SLC12A9: variants seen among roughly 807,000 people sequenced by gnomAD.
SLC12A9 encodes the protein solute carrier family 12 member 9.
Under a neutral mutation model 66.0 loss-of-function variants are expected in SLC12A9, and 55 were observed. The ratio of observed to expected loss-of-function variants is 0.83; its 90% CI spans 0.67 to 1.04. The LOEUF is 1.04. Among genes scored for constraint, SLC12A9 ranks in the 50% least tolerant of loss-of-function variants. The pLI, the probability that SLC12A9 is intolerant of heterozygous loss-of-function variation, is 0.00. For missense variants in SLC12A9, 1,061 were observed against 1,241.9 expected (o/e 0.85, Z 2.19); for synonymous variants, 577 against 569.0 (o/e 1.01, Z -0.20).
At chr7:100,854,122 G>A in intron 1 of SLC12A9, 34 bp from the exon 2 acceptor site, 1 of 1,382,692 alleles carries the variant, frequency 7.2e-7, no homozygotes, top group Non-Finnish European at 9.7e-7. Context: ...AGCTCTGTGG[G>A]GGAGCTTTTG....
upstream of SLC12A9, among the ~76,000 whole-genome samples, chr7:100,847,860 C>A (rs1195852107): frequency 2.0e-5 from 3 of 151,634 alleles, no homozygotes; most frequent in Admixed American, 6.6e-5. Context: ...CCAAGGTGGG[C>A]GGATCACGTG....
At chr7:100,827,860 C>G (rs1326162600) in intron 1 of SLC12A9, among the ~76,000 whole-genome samples, 1 of 152,218 alleles carries the variant, frequency 6.6e-6, no homozygotes, top group African/African-American at 2.4e-5. Context: ...GCAGAGAAAA[C>G]ACACACCCAG....
Position 100,865,650 on chromosome 7 carries a change from G to A in SLC12A9, c.1859-69G>A, listed in dbSNP as rs546815330. ...GACGCACCTTGCTGTCAGTGTGTGG[G>A]AGCGTGGTGTAAACTTAGCCTGTGA... On this transcript the variant is annotated intron_variant, in intron 13 of 13. Transcript: ENST00000354161. 9.1e-5 allele frequency: 142 copies of A among 1,559,464 alleles called. 3 individuals carry two copies. The South Asian group carries it at 1.7e-3, about 19-fold the overall frequency.
chr7:100,849,713 C>CT (rs1184996089), upstream of SLC12A9, among the ~76,000 whole-genome samples: 1 of 146,326 alleles, frequency 6.8e-6, no homozygotes, highest in African/African-American at 2.6e-5. Context: ...GAGACTCTGT[C>CT]TAAAAAAAAA....
At chr7:100,855,112 C>T (rs1814307522) in intron 3 of SLC12A9, among the ~76,000 whole-genome samples, 1 of 152,260 alleles carries the variant, frequency 6.6e-6, no homozygotes, top group East Asian at 1.9e-4. Flanking sequence ...TGCAGCGTGC[C>T]AAGATCGCAT....
intron 1 of SLC12A9, among the ~76,000 whole-genome samples, chr7:100,845,186 C>T (rs137893690): frequency 6.6e-6 from 1 of 150,976 alleles, no homozygotes; most frequent in Non-Finnish European, 1.5e-5. Flanking sequence ...GAGAAAAATC[C>T]ATTCACTAAA....
chr7:100,857,662 C>G (rs1234581014), intron 5 of SLC12A9: 1 of 158,774 alleles, frequency 6.3e-6, no homozygotes, highest in Non-Finnish European at 1.4e-5. Flanking sequence ...TCCCAGCATT[C>G]TGGGAGGCCG....
upstream of SLC12A9, among the ~76,000 whole-genome samples, chr7:100,848,743 G>A (rs12669944): frequency 0.38 from 58,088 of 151,242 alleles, 12,034 homozygotes; most frequent in East Asian, 0.77. Context: ...AAAATTAGCC[G>A]TGCGTGGTGG....
upstream of SLC12A9, among the ~76,000 whole-genome samples, chr7:100,850,088 G>A (rs1681675166): frequency 6.6e-6 from 1 of 151,910 alleles, no homozygotes; most frequent in African/African-American, 2.4e-5. Context: ...GGCCAGGCTG[G>A]TCTTGAACTC....
intron 3 of SLC12A9, 94 bp downstream of exon 3, chr7:100,854,848 G>A: frequency 3.3e-6 from 5 of 1,521,654 alleles, no homozygotes; most frequent in Non-Finnish European, 4.4e-6. Context: ...TCAGGGGCAA[G>A]ACAAGTGTTT....
At chr7:100,842,554 G>C (rs1813810424) in intron 1 of SLC12A9, among the ~76,000 whole-genome samples, 1 of 152,164 alleles carries the variant, frequency 6.6e-6, no homozygotes, top group Admixed American at 6.5e-5. Context: ...ATGTTCTGTG[G>C]ACCATTAAAG....
At position 100,862,749 on chromosome 7, in the gene SLC12A9, G is replaced by T. The variant is rs200962214; in HGVS notation, c.1780G>T (p.Val594Leu). Reference sequence around the variant, plus strand: ...GCTCAGCCTGGTGGACCGTGCCCAGGTGAAGGCTTTTGTGGATCTAACCCT... The same window carrying T: ...GCTCAGCCTGGTGGACCGTGCCCAGTTGAAGGCTTTTGTGGATCTAACCCT... The part of the protein sequence containing the change: ...AWLSLVDRAQ[V>L]KAFVDLTLSP... The change falls in exon 13 of 14, where the codon GTG (valine) becomes TTG (leucine). Residue 594 changes from valine (V) to leucine (L), a missense_variant. Physicochemically the swap from Val to Leu is conservative, Grantham distance 32. Transcript: ENST00000354161. 1.9e-6 allele frequency: 3 copies of T among 1,614,222 alleles called. No individual in the cohort carries two copies. In the East Asian group the frequency reaches 6.7e-5, roughly 36 times the overall value.
chr7:100,831,527 G>A (rs2116492064), intron 1 of SLC12A9, among the ~76,000 whole-genome samples: 1 of 152,240 alleles, frequency 6.6e-6, no homozygotes, highest in South Asian at 2.1e-4. Flanking sequence ...GCCCAGGCTG[G>A]AGTGCAGTGG....
At chr7:100,865,634 T>C in intron 13 of SLC12A9, 85 bp from the exon 14 acceptor site, 1 of 1,554,680 alleles carries the variant, frequency 6.4e-7, no homozygotes, top group Non-Finnish European at 8.7e-7. Flanking sequence ...TGACGCACCT[T>C]GCTGTCAGTG....
At chr7:100,827,087 A>T in intron 1 of SLC12A9, 1 of 1,537,680 alleles carries the variant, frequency 6.5e-7, no homozygotes, top group Non-Finnish European at 8.8e-7. Context: ...TCGCCCCCCC[A>T]GGTCTGACTC....
chr7:100,861,342 G>C lies in SLC12A9; in HGVS notation c.1344-50G>C, dbSNP rs373320989. The C allele has an allele frequency of 1.6e-5, 25 of 1,611,362 alleles. No individual in the cohort carries two copies. The highest frequency in any genetic ancestry group is 2.0e-5 in the Non-Finnish European group (23 of 1,177,970). On this transcript the variant is annotated intron_variant, in intron 10 of 13. Coordinates refer to ENST00000354161, the MANE Select transcript of SLC12A9 (RefSeq NM_020246.4). The surrounding 1 kb of genome is among the most constrained non-coding windows in gnomAD (Gnocchi z 5.3). ...GCGTGGGGCTGGGGACTGCAGCCTC[G>C]TGTGCGGCCTGCCCTGAGTTTCTGT...
intron 13 of SLC12A9, among the ~76,000 whole-genome samples, chr7:100,863,036 G>A (rs547799616): frequency 2.5e-4 from 38 of 151,640 alleles, no homozygotes; most frequent in Non-Finnish European, 4.6e-4. Flanking sequence ...TGGGGTGGGC[G>A]ATGTTGTGGG....
At chr7:100,839,943 C>T (rs1475677350) in intron 1 of SLC12A9, among the ~76,000 whole-genome samples, 1 of 150,984 alleles carries the variant, frequency 6.6e-6, no homozygotes, top group East Asian at 1.9e-4. Flanking sequence ...GAGCGAGACT[C>T]CGTCTCAAAA....
At chr7:100,860,265 C>A in intron 9 of SLC12A9, 33 bp downstream of exon 9, 1 of 1,603,664 alleles carries the variant, frequency 6.2e-7, no homozygotes. Context: ...CCCTTTCCCT[C>A]ACCCCACCAG....
Sources: gnomAD v4.1 joint callset for allele counts (sites outside exome capture counted in the v4.1 genomes callset) on GRCh38, gnomAD v4.1.1 for gene constraint, Gnocchi (gnomAD v3.1) non-coding constraint, MANE v1.5 for transcripts, NCBI Gene and HGNC (gene_info 2026-07-23, HGNC 2026-07-21) for gene names.